CSMD1: variants seen among roughly 807,000 people sequenced by gnomAD.
CSMD1 encodes CUB and Sushi multiple domains 1, also known as CUB and sushi domain-containing protein 1.
CSMD1 carries 213 observed loss-of-function variants against 417.5 expected under a neutral mutation model. That is an observed-to-expected ratio of 0.51 (90% CI 0.46 to 0.57). The LOEUF is 0.57. Among genes scored for constraint, CSMD1 ranks in the 20% least tolerant of loss-of-function variants. The probability of loss-of-function intolerance (pLI) is 0.00; values close to 1 mark genes in which losing one functional copy is unlikely to be tolerated. For synonymous variants in CSMD1, 2,862 were observed against 1,736.8 expected, an observed-to-expected ratio of 1.65 and a Z score of -16.11; for missense variants, 6,923 against 4,529.7, an observed-to-expected ratio of 1.53 and a Z score of -15.17.
In CSMD1 at chr8:3,495,167, A is replaced by G. The variant is rs1796313563; in HGVS notation, c.1345-1441T>C. 1.3e-5 allele frequency among the ~76,000 whole-genome samples: 2 copies of G among 152,366 alleles called. 1 individual carries two copies. Among genetic ancestry groups the G allele is most frequent in the South Asian group, 4.1e-4 (2 of 4,834 alleles). ...ATAGCTGTTGCAAACCAGTATAAATACTGCATGTTAAACGTAGCACCTGAT... is the reference window on the plus strand; with the variant it reads ...ATAGCTGTTGCAAACCAGTATAAATGCTGCATGTTAAACGTAGCACCTGAT... On this transcript the variant is annotated intron_variant, in intron 10 of 69. Coordinates refer to ENST00000635120, the MANE Select transcript of CSMD1 (RefSeq NM_033225.6).
chr8:4,374,871 C>G (rs1423796630), intron 3 of CSMD1, among the ~76,000 whole-genome samples: 1 of 144,960 alleles, frequency 6.9e-6, no homozygotes, highest in African/African-American at 2.6e-5. Context: ...TAATTAAACA[C>G]AGGACATGAA....
intron 1 of CSMD1, among the ~76,000 whole-genome samples, chr8:4,660,612 A>G (rs141239986): frequency 6.6e-6 from 1 of 152,252 alleles, no homozygotes; most frequent in East Asian, 1.9e-4. Context: ...ATAAAATAAA[A>G]AATATTATAA....
At position 4,387,570 on chromosome 8, in the gene CSMD1, C is replaced by CAAAAAAAAAAAAAAAAAAAAAAAA; in HGVS notation, c.415+32382_415+32383insTTTTTTTTTTTTTTTTTTTTTTTT. On this transcript the variant is annotated intron_variant, in intron 3 of 69. Coordinates refer to ENST00000635120, the MANE Select transcript of CSMD1 (RefSeq NM_033225.6). ...GAAGAGATGCATAAATCCAAACTGGCAAAAAAAAAAAAAAAAAAAAAAGAG... is the reference window on the plus strand; with the variant it reads ...GAAGAGATGCATAAATCCAAACTGGCAAAAAAAAAAAAAAAAAAAAAAAAAAAAAAAAAAAAAAAAAAAAAAGAG... 1.0e-3 allele frequency among the ~76,000 whole-genome samples: 38 copies of CAAAAAAAAAAAAAAAAAAAAAAAA among 37,206 alleles called. 11 individuals carry two copies. Among genetic ancestry groups the CAAAAAAAAAAAAAAAAAAAAAAAA allele is most frequent in the Non-Finnish European group, 1.6e-3 (27 of 17,308 alleles). The allele number at this position is 37,206 out of a possible 152,430, so 24.4% of individuals were successfully genotyped here. A position where few individuals can be genotyped will look rare whatever the true frequency, so the allele number is the denominator to read the frequency against.
At chr8:3,962,506 C>T (rs1229370292) in intron 5 of CSMD1, among the ~76,000 whole-genome samples, 1 of 152,108 alleles carries the variant, frequency 6.6e-6, no homozygotes, top group East Asian at 1.9e-4. Flanking sequence ...CATGCAGGAA[C>T]CCCTATATTA....
At chr8:4,342,844 T>G (rs991360305) in intron 3 of CSMD1, among the ~76,000 whole-genome samples, 1 of 151,788 alleles carries the variant, frequency 6.6e-6, no homozygotes, top group East Asian at 1.9e-4. Flanking sequence ...AGGAAGTGAG[T>G]CACCCTAGAT....
chr8:3,968,170 G>T (rs950648007), intron 5 of CSMD1, among the ~76,000 whole-genome samples: 14 of 148,502 alleles, frequency 9.4e-5, no homozygotes, highest in African/African-American at 3.5e-4. Context: ...CTGGGTGACA[G>T]AGCGAGACTC....
intron 1 of CSMD1, among the ~76,000 whole-genome samples, chr8:4,726,021 G>C (rs568985772): frequency 1.3e-5 from 2 of 152,188 alleles, no homozygotes; most frequent in East Asian, 1.9e-4. Flanking sequence ...TCTCATAATG[G>C]ATTTTTCTGG....
intron 46 of CSMD1, 104 bp downstream of exon 46, chr8:3,106,424 A>T: frequency 1.5e-6 from 1 of 648,870 alleles, no homozygotes; most frequent in Non-Finnish European, 2.6e-6. Context: ...ATAATAAACA[A>T]ATAAATAAGT....
intron 50 of CSMD1, among the ~76,000 whole-genome samples, chr8:3,045,337 T>C (rs576732958): frequency 1.3e-5 from 2 of 152,324 alleles, no homozygotes; most frequent in East Asian, 1.9e-4. Flanking sequence ...TTTTGTTAAT[T>C]GTTGTCATTG....
intron 3 of CSMD1, among the ~76,000 whole-genome samples, chr8:4,206,734 G>C (rs1030624560): frequency 1.1e-4 from 16 of 152,180 alleles, no homozygotes; most frequent in African/African-American, 2.9e-4. Context: ...AGTATTTCTA[G>C]AGGATTTCAG....
chr8:4,146,366 C>T (rs1276727728), intron 3 of CSMD1, among the ~76,000 whole-genome samples: 1 of 150,572 alleles, frequency 6.6e-6, no homozygotes, highest in Non-Finnish European at 1.5e-5. Context: ...AGCCCAACAT[C>T]GACTTGCAGA....
At chr8:3,417,291 C>A (rs1013003335) in intron 12 of CSMD1, among the ~76,000 whole-genome samples, 1 of 152,158 alleles carries the variant, frequency 6.6e-6, no homozygotes. Context: ...CTGCAGAAAA[C>A]ACTCTGCTGT....
chr8:3,378,479 C>T (rs751817562), intron 18 of CSMD1, among the ~76,000 whole-genome samples: 6 of 152,154 alleles, frequency 3.9e-5, no homozygotes, highest in Non-Finnish European at 8.8e-5. Flanking sequence ...CCCTGAAGAA[C>T]ACCGATGTGA....
chr8:3,828,208 G>C (rs1483412589), intron 5 of CSMD1, among the ~76,000 whole-genome samples: 1 of 152,040 alleles, frequency 6.6e-6, no homozygotes, highest in East Asian at 1.9e-4. Context: ...TGATATTCCT[G>C]GCTAGAAAAG....
intron 6 of CSMD1, among the ~76,000 whole-genome samples, chr8:3,752,040 C>T (rs1461514998): frequency 1.3e-5 from 2 of 152,124 alleles, no homozygotes; most frequent in African/African-American, 2.4e-5. Context: ...AATTTCTCTA[C>T]CAGACCACAT....
intron 3 of CSMD1, among the ~76,000 whole-genome samples, chr8:4,180,240 T>C (rs192534498): frequency 0.035 from 5,347 of 152,122 alleles, 328 homozygotes; most frequent in African/African-American, 0.12. Context: ...TGGTATACTA[T>C]GCAGCAATAA....
intron 5 of CSMD1, among the ~76,000 whole-genome samples, chr8:3,849,446 CT>C (rs1323072600): frequency 3.9e-5 from 6 of 152,186 alleles, no homozygotes; most frequent in African/African-American, 1.4e-4. Context: ...AACCCTGCTC[CT>C]TCTGGCGGTT....
chr8:3,353,513 G>A (rs891374007), intron 21 of CSMD1, among the ~76,000 whole-genome samples: 14 of 152,154 alleles, frequency 9.2e-5, no homozygotes, highest in African/African-American at 3.4e-4. Context: ...TGAAAGAATG[G>A]ATGTGTCAAA....
intron 26 of CSMD1, among the ~76,000 whole-genome samples, chr8:3,250,044 A>C (rs1800152179): frequency 6.6e-6 from 1 of 152,246 alleles, no homozygotes; most frequent in African/African-American, 2.4e-5. Context: ...CCATGTGACC[A>C]AGTACATATT....
Sources: allele counts gnomAD v4.1 joint callset (sites outside exome capture counted in the v4.1 genomes callset), GRCh38; gene constraint gnomAD v4.1.1; transcripts MANE v1.5; gene names NCBI Gene and HGNC (gene_info 2026-07-23, HGNC 2026-07-21).